Variants in ATRNL1 observed in about 807,000 individuals in gnomAD.
ATRNL1 encodes the protein attractin-like protein 1.
A neutral mutation model predicts 182.7 loss-of-function variants in ATRNL1; 95 were observed. The ratio of observed to expected loss-of-function variants is 0.52; its 90% confidence interval spans 0.44 to 0.62. The LOEUF is 0.62. Among genes scored for constraint, ATRNL1 ranks in the 20% least tolerant of loss-of-function variants. The pLI is 0.00. For missense variants in ATRNL1, 1,471 were observed against 1,679.5 expected, an observed-to-expected ratio of 0.88 and a Z score of 2.17; for synonymous variants, 576 against 568.3, an observed-to-expected ratio of 1.01 and a Z score of -0.19.
At chr10:115,653,325 A>G (rs1860130054) in intron 26 of ATRNL1, among the ~76,000 whole-genome samples, 2 of 152,114 alleles carry the variant, frequency 1.3e-5, no homozygotes, top group South Asian at 4.1e-4. Flanking sequence ...TGAAATCCAT[A>G]CTCATTAGCA....
intron 24 of ATRNL1, among the ~76,000 whole-genome samples, chr10:115,496,896 C>A (rs1172862921): frequency 1.3e-5 from 2 of 152,072 alleles, no homozygotes; most frequent in Non-Finnish European, 2.9e-5. Context: ...TGTGAGGTAT[C>A]TCTTGGGGTT....
chr10:115,229,734 TCCCA>T (rs1849845809), intron 9 of ATRNL1, among the ~76,000 whole-genome samples: 1 of 152,098 alleles, frequency 6.6e-6, no homozygotes, highest in Admixed American at 6.6e-5. Flanking sequence ...CTGGTTAAAA[TCCCA>T]TATTGATAAT....
chr10:115,873,878 T>C (rs1220163375), intron 28 of ATRNL1, among the ~76,000 whole-genome samples: 2 of 152,220 alleles, frequency 1.3e-5, no homozygotes, highest in Non-Finnish European at 2.9e-5. Context: ...GAGAATTCTC[T>C]AAGAAGGCTT....
At position 115,862,853 on chromosome 10, in the gene ATRNL1, T is replaced by A. The variant is rs114616459; in HGVS notation, c.4018+14862T>A. ...GAATTTGGTACATGCATAAATGGAA[T>A]ACACTGTACCTGTAAGAAAGAACAA... is the stretch of plus-strand genomic sequence containing the variant. On this transcript the variant is annotated intron_variant, in intron 28 of 28. Coordinates refer to ENST00000355044, the MANE Select transcript of ATRNL1 (RefSeq NM_207303.4). 5.8e-3 allele frequency among the ~76,000 whole-genome samples: 888 copies of A among 151,822 alleles called. 8 individuals are homozygous for A. Among genetic ancestry groups the A allele is most frequent in the African/African-American group, 0.02 (827 of 41,086 alleles).
intron 26 of ATRNL1, among the ~76,000 whole-genome samples, chr10:115,642,746 A>G (rs901090082): frequency 3.3e-5 from 5 of 152,162 alleles, no homozygotes; most frequent in Non-Finnish European, 4.4e-5. Context: ...CGCCTGGCCA[A>G]TTCTAATGTA....
chr10:115,799,218 T>C (rs183777481), intron 27 of ATRNL1, among the ~76,000 whole-genome samples: 9 of 152,336 alleles, frequency 5.9e-5, no homozygotes, highest in Admixed American at 3.3e-4. Context: ...TACATGCTTG[T>C]TGAATTTAAC....
chr10:115,415,789 G>A (rs1845361157), intron 20 of ATRNL1, among the ~76,000 whole-genome samples: 1 of 151,782 alleles, frequency 6.6e-6, no homozygotes, highest in Non-Finnish European at 1.5e-5. Context: ...TAGCTATCAA[G>A]TTGTCTTAAT....
chr10:115,109,157 G>GC (rs1297752989), intron 1 of ATRNL1, among the ~76,000 whole-genome samples: 7 of 140,164 alleles, frequency 5.0e-5, no homozygotes, highest in African/African-American at 1.8e-4. Flanking sequence ...GTTTTTTCTA[G>GC]CCTTTTTTTT....
Position 115,129,397 on chromosome 10 carries a change from G to A in ATRNL1, c.691G>A (p.Val231Ile), listed in dbSNP as rs782007524. ...AACTAGTGTCTCTGTTCCAAGTCAA[G>A]TATATTGTGAATGTGATAAATACTG... ...CTTSVSVPSQ[V>I]YCECDKYWKG... Residue 231 changes from valine (V) to isoleucine (I), a missense_variant, in exon 5 of 29, where the codon GTA becomes ATA. Val to Ile is a conservative substitution (Grantham distance 29). Around this residue, in one of 3 missense-constraint regions of ATRNL1, gnomAD observed 1,031 missense variants for 1,156.0 expected, o/e 0.89. Transcript: ENST00000355044. 8.1e-6 allele frequency: 13 copies of A among 1,613,922 alleles called. No individual in the cohort carries two copies. The highest frequency in any genetic ancestry group is 1.7e-6 in the Non-Finnish European group (2 of 1,179,926).
At chr10:115,319,169 GT>G (rs1427129118) in intron 18 of ATRNL1, among the ~76,000 whole-genome samples, 1 of 152,174 alleles carries the variant, frequency 6.6e-6, no homozygotes, top group Non-Finnish European at 1.5e-5. Flanking sequence ...TCAGGAGCAG[GT>G]TGTTCAATTT....
intron 27 of ATRNL1, among the ~76,000 whole-genome samples, chr10:115,759,643 T>A (rs2134140609): frequency 6.6e-6 from 1 of 152,198 alleles, no homozygotes; most frequent in South Asian, 2.1e-4. Context: ...TAAAGCATTT[T>A]ATGATATAGT....
At chr10:115,348,505 AT>A (rs1361884737) in intron 19 of ATRNL1, among the ~76,000 whole-genome samples, 4 of 152,146 alleles carry the variant, frequency 2.6e-5, no homozygotes, top group Admixed American at 2.6e-4. Context: ...TGGCAGTATT[AT>A]TTTTGTCATA....
chr10:115,533,087 C>T (rs1380465413), intron 25 of ATRNL1, among the ~76,000 whole-genome samples: 19 of 152,058 alleles, frequency 1.2e-4, no homozygotes, highest in Non-Finnish European at 1.6e-4. Flanking sequence ...TGTCTCTGCC[C>T]GGCTTTGGTA....
chr10:115,895,830 A>G (rs961962583), intron 28 of ATRNL1, among the ~76,000 whole-genome samples: 1 of 152,224 alleles, frequency 6.6e-6, no homozygotes, highest in African/African-American at 2.4e-5. Context: ...AACGGAGCTG[A>G]TGCTTGAACT....
At chr10:115,141,312 G>A (rs574158106) in intron 5 of ATRNL1, among the ~76,000 whole-genome samples, 3 of 152,176 alleles carry the variant, frequency 2.0e-5, no homozygotes, top group African/African-American at 7.2e-5. Flanking sequence ...TTTACTTCCT[G>A]TATAATTACT....
At chr10:115,751,094 A>G (rs1555070514) in intron 27 of ATRNL1, among the ~76,000 whole-genome samples, 1 of 152,066 alleles carries the variant, frequency 6.6e-6, no homozygotes, top group East Asian at 1.9e-4. Flanking sequence ...GGCCCAAAGT[A>G]ATCACAAAGG....
intron 24 of ATRNL1, among the ~76,000 whole-genome samples, chr10:115,507,583 T>C (rs1342517094): frequency 6.6e-6 from 1 of 152,066 alleles, no homozygotes; most frequent in African/African-American, 2.4e-5. Context: ...ATTGACTGGG[T>C]AACCTTCTAA....
chr10:115,925,389 G>A (rs1953195895), intron 28 of ATRNL1, among the ~76,000 whole-genome samples: 2 of 152,052 alleles, frequency 1.3e-5, no homozygotes, highest in African/African-American at 2.4e-5. Flanking sequence ...AGGATGACAG[G>A]ATCAGGTTCA....
intron 28 of ATRNL1, among the ~76,000 whole-genome samples, chr10:115,864,052 A>T (rs191547930): frequency 3.3e-4 from 51 of 152,328 alleles, no homozygotes; most frequent in African/African-American, 1.2e-3. Flanking sequence ...AAGAATAGAT[A>T]GTTCGAGACC....
Sources: gnomAD v4.1 joint callset for allele counts (sites outside exome capture counted in the v4.1 genomes callset) on GRCh38, gnomAD v4.1.1 for gene constraint, gnomAD v4.1.1 regional missense constraint, MANE v1.5 for transcripts, NCBI Gene and HGNC (gene_info 2026-07-23, HGNC 2026-07-21) for gene names.